The following RBFOX1 variants were observed in gnomAD, a reference collection of about 807,000 sequenced individuals.
RBFOX1 encodes the protein RNA binding protein fox-1 homolog 1.
Under a neutral mutation model 57.7 loss-of-function variants are expected in RBFOX1, and 8 were observed. The ratio of observed to expected loss-of-function variants is 0.14; its 90% confidence interval spans 0.08 to 0.25. The LOEUF is 0.25. Among genes scored for constraint, RBFOX1 ranks in the 10% least tolerant of loss-of-function variants. RBFOX1 has a pLI of 1.00. For missense variants in RBFOX1, 611 were observed against 548.5 expected (o/e 1.11, Z -1.14); for synonymous variants, 326 against 222.4 (o/e 1.47, Z -4.15).
chr16:6,315,192 CAAAG>C (rs1325328463), intron 1 of RBFOX1, among the ~76,000 whole-genome samples: 1 of 152,168 alleles, frequency 6.6e-6, no homozygotes, highest in Non-Finnish European at 1.5e-5. Context: ...GAAACTCAGA[CAAAG>C]AAAGGTTGAG....
intron 4 of RBFOX1, among the ~76,000 whole-genome samples, chr16:7,442,105 C>G (rs1158854536): frequency 6.6e-6 from 1 of 152,158 alleles, no homozygotes; most frequent in Non-Finnish European, 1.5e-5. Context: ...TGCTCAGCCT[C>G]CAGGTGCCCA....
intron 2 of RBFOX1, among the ~76,000 whole-genome samples, chr16:6,323,414 G>C (rs1267047533): frequency 1.3e-5 from 2 of 152,182 alleles, no homozygotes; most frequent in Non-Finnish European, 2.9e-5. Flanking sequence ...GGAGTTCTGA[G>C]GGCATGGGGT....
At chr16:6,270,310 C>G (rs1030601801) in intron 1 of RBFOX1, among the ~76,000 whole-genome samples, 5 of 151,804 alleles carry the variant, frequency 3.3e-5, no homozygotes, top group African/African-American at 9.7e-5. Context: ...AAGTATACAA[C>G]CTAACTATAT....
At chr16:5,980,106 G>A (rs959439340) in intron 4 of RBFOX1, among the ~76,000 whole-genome samples, 1 of 152,190 alleles carries the variant, frequency 6.6e-6, no homozygotes, top group Non-Finnish European at 1.5e-5. Context: ...TCTGCCAGCA[G>A]CCTTTCTCTG....
intron 3 of RBFOX1, among the ~76,000 whole-genome samples, chr16:6,787,029 G>A (rs910486248): frequency 3.3e-5 from 5 of 152,120 alleles, no homozygotes; most frequent in Non-Finnish European, 2.9e-5. Flanking sequence ...AGGTTGGAAT[G>A]TCAGAAATAC....
chr16:7,321,140 T>TACATATAC, intron 4 of RBFOX1, among the ~76,000 whole-genome samples: 1 of 151,974 alleles, frequency 6.6e-6, no homozygotes, highest in Admixed American at 6.6e-5. Context: ...CTTATACTTA[T>TACATATAC]ATTGTTTGTT....
chr16:6,138,493 A>T (rs2096685783), intron 1 of RBFOX1, among the ~76,000 whole-genome samples: 1 of 152,158 alleles, frequency 6.6e-6, no homozygotes, highest in South Asian at 2.1e-4. Flanking sequence ...GATTTGTGGC[A>T]TGTTTGCCTT....
chr16:7,256,819 C>T (rs1022763309), intron 4 of RBFOX1, among the ~76,000 whole-genome samples: 1 of 152,154 alleles, frequency 6.6e-6, no homozygotes, highest in East Asian at 1.9e-4. Context: ...TCTCACCGTT[C>T]TACGCACACA....
intron 4 of RBFOX1, among the ~76,000 whole-genome samples, chr16:7,389,656 C>A (rs2097956723): frequency 6.6e-6 from 1 of 152,146 alleles, no homozygotes; most frequent in South Asian, 2.1e-4. Context: ...TGGGACCCTA[C>A]AGAGAAATTC....
In RBFOX1 at chr16:6,097,812, A is replaced by G. The variant is rs1021170846; in HGVS notation, c.-127+77820A>G. ...CAAAATTCTTATTTATTTATTTTCT[A>G]TCACCGTACTTACTGGTGGAGTGGA... On this transcript the variant is annotated intron_variant, in intron 1 of 15. Transcript: ENST00000550418. This position sits in a 1 kb window ranked among gnomAD's most constrained non-coding sequence, Gnocchi z 5.0. 2.0e-5 allele frequency among the ~76,000 whole-genome samples: 3 copies of G among 148,518 alleles called. No individual in the cohort carries two copies. Among genetic ancestry groups the G allele is most frequent in the East Asian group, 2.0e-4 (1 of 5,054 alleles).
chr16:7,136,521 C>T (rs2072030075), intron 4 of RBFOX1, among the ~76,000 whole-genome samples: 1 of 151,062 alleles, frequency 6.6e-6, no homozygotes, highest in Non-Finnish European at 1.5e-5. Context: ...ATTTTCTAAC[C>T]TCATCCGCTC....
chr16:7,468,387 T>C (rs1196372360), intron 4 of RBFOX1, among the ~76,000 whole-genome samples: 1 of 152,110 alleles, frequency 6.6e-6, no homozygotes, highest in Non-Finnish European at 1.5e-5. Flanking sequence ...TGTGTCAAGC[T>C]GTTAGGGAGA....
intron 3 of RBFOX1, among the ~76,000 whole-genome samples, chr16:5,617,111 C>T (rs1423873928): frequency 6.6e-6 from 1 of 151,918 alleles, no homozygotes; most frequent in Non-Finnish European, 1.5e-5. Context: ...CCTTCCCTCC[C>T]TCCGTCCGTC....
chr16:6,690,261 T>C (rs7197712), intron 3 of RBFOX1, among the ~76,000 whole-genome samples: 17,289 of 152,140 alleles, frequency 0.11, 1,910 homozygotes, highest in East Asian at 0.42. Context: ...TTTTATCTTA[T>C]TGGAATACTA....
intron 10 of RBFOX1, among the ~76,000 whole-genome samples, chr16:7,621,783 T>C (rs1319386190): frequency 6.6e-6 from 1 of 152,126 alleles, no homozygotes; most frequent in Non-Finnish European, 1.5e-5. Flanking sequence ...TTGCAAGCAG[T>C]AAAGGGATCT....
intron 4 of RBFOX1, among the ~76,000 whole-genome samples, chr16:5,871,074 G>A (rs2057458407): frequency 6.6e-6 from 1 of 152,154 alleles, no homozygotes; most frequent in Non-Finnish European, 1.5e-5. Context: ...TTGAAAACAT[G>A]ACAGCAAGCT....
intron 2 of RBFOX1, among the ~76,000 whole-genome samples, chr16:5,524,517 T>C (rs1256765833): frequency 6.6e-6 from 1 of 150,382 alleles, no homozygotes; most frequent in Non-Finnish European, 1.5e-5. Context: ...TACCCAGTAG[T>C]GGGATTGCTG....
intron 2 of RBFOX1, among the ~76,000 whole-genome samples, chr16:6,389,599 T>C (rs1163660784): frequency 6.6e-6 from 1 of 152,208 alleles, no homozygotes; most frequent in Non-Finnish European, 1.5e-5. Context: ...TGGATGTCTC[T>C]ACCTAAACTA....
chr16:6,929,465 T>A (rs1289571703), intron 3 of RBFOX1, among the ~76,000 whole-genome samples: 2 of 152,178 alleles, frequency 1.3e-5, no homozygotes, highest in African/African-American at 4.8e-5. Flanking sequence ...CGTGCTTTTC[T>A]GTATTCTAAG....
Sources: gnomAD v4.1 joint callset for allele counts (sites outside exome capture counted in the v4.1 genomes callset) on GRCh38, gnomAD v4.1.1 for gene constraint, Gnocchi (gnomAD v3.1) non-coding constraint, MANE v1.5 for transcripts, NCBI Gene and HGNC (gene_info 2026-07-23, HGNC 2026-07-21) for gene names.